IMMP2L: variants seen among roughly 807,000 people sequenced by gnomAD.
The protein encoded by IMMP2L is inner mitochondrial membrane peptidase subunit 2, also known as mitochondrial inner membrane protease subunit 2.
Under a neutral mutation model 19.3 loss-of-function variants are expected in IMMP2L, and 18 were observed. That is an observed-to-expected ratio of 0.93 (90% CI 0.64 to 1.38). The LOEUF (loss-of-function observed/expected upper bound fraction) is 1.38, where lower values mean the gene tolerates loss of function less well. Ranked by LOEUF, IMMP2L falls within the 40% of genes most tolerant of loss-of-function variation. The pLI is 0.00. For missense variants in IMMP2L, 233 were observed against 218.2 expected (o/e 1.07, Z -0.43); for synonymous variants, 76 against 73.0 (o/e 1.04, Z -0.21).
chr7:111,081,069 A>G (rs1166978887), intron 3 of IMMP2L, among the ~76,000 whole-genome samples: 1 of 152,222 alleles, frequency 6.6e-6, no homozygotes, highest in Admixed American at 6.5e-5. Flanking sequence ...GTATTTGTGT[A>G]CTTTCACATG....
At chr7:111,301,080 C>T (rs1015791610) in intron 3 of IMMP2L, among the ~76,000 whole-genome samples, 3 of 152,042 alleles carry the variant, frequency 2.0e-5, no homozygotes, top group African/African-American at 7.2e-5. Context: ...ATGAGTGATC[C>T]AGTTTCCTCA....
At chr7:110,995,817 T>C (rs1422503335) in intron 3 of IMMP2L, among the ~76,000 whole-genome samples, 1 of 152,162 alleles carries the variant, frequency 6.6e-6, no homozygotes, top group Non-Finnish European at 1.5e-5. Flanking sequence ...AAGTTGCATG[T>C]GTATAGTTTC....
intron 2 of IMMP2L, among the ~76,000 whole-genome samples, chr7:111,515,131 C>A (rs1348529713): frequency 6.6e-6 from 1 of 152,100 alleles, no homozygotes; most frequent in Admixed American, 6.6e-5. Flanking sequence ...TAATGTTCAT[C>A]AAACTTTATC....
At chr7:111,064,083 G>A (rs1454013673) in intron 3 of IMMP2L, among the ~76,000 whole-genome samples, 1 of 152,120 alleles carries the variant, frequency 6.6e-6, no homozygotes, top group Non-Finnish European at 1.5e-5. Flanking sequence ...CTGAGGCTGG[G>A]AAATTTATAA....
intron 3 of IMMP2L, among the ~76,000 whole-genome samples, chr7:111,458,474 C>A (rs1839867798): frequency 6.6e-6 from 1 of 152,060 alleles, no homozygotes; most frequent in South Asian, 2.1e-4. Context: ...CATTGTACCA[C>A]CCTAAGTTAC....
intron 3 of IMMP2L, among the ~76,000 whole-genome samples, chr7:111,270,913 T>C (rs1818392808): frequency 6.6e-6 from 1 of 152,150 alleles, no homozygotes; most frequent in African/African-American, 2.4e-5. Flanking sequence ...AATCTTAGTG[T>C]AAAGTACAGT....
At chr7:111,384,117 C>T (rs1831475477) in intron 3 of IMMP2L, among the ~76,000 whole-genome samples, 1 of 151,578 alleles carries the variant, frequency 6.6e-6, no homozygotes, top group South Asian at 2.1e-4. Context: ...GCACTCCAGC[C>T]CGCGTGGCAG....
chr7:110,699,203 G>C (rs1794087435), intron 5 of IMMP2L, among the ~76,000 whole-genome samples: 1 of 152,070 alleles, frequency 6.6e-6, no homozygotes, highest in African/African-American at 2.4e-5. Context: ...TTCAGAGTTG[G>C]CCCCAGTTTA....
Position 111,253,741 on chromosome 7 carries a change from T to C in IMMP2L, c.239+233497A>G, listed in dbSNP as rs528758974. Among the ~76,000 whole-genome samples, 7 of 152,262 alleles carry C rather than the reference T, an allele frequency of 4.6e-5. No individual in the cohort carries two copies. The East Asian group carries it at 1.2e-3, about 25-fold the overall frequency. On this transcript the variant is annotated intron_variant, in intron 3 of 5. Transcript: ENST00000405709. The stretch of plus-strand genomic sequence containing the variant: ...AATATGTGTTAAGGCTCTCAAAGAC[T>C]GCCACATAGAACTTGATCTAAAGTC...
intron 5 of IMMP2L, among the ~76,000 whole-genome samples, chr7:110,880,063 C>T (rs566765657): frequency 1.1e-4 from 16 of 152,016 alleles, no homozygotes; most frequent in Non-Finnish European, 2.2e-4. Context: ...CTGTGATGAC[C>T]TATCAATAGA....
chr7:111,280,296 C>T (rs1222233709), intron 3 of IMMP2L, among the ~76,000 whole-genome samples: 3 of 152,068 alleles, frequency 2.0e-5, no homozygotes, highest in African/African-American at 7.2e-5. Flanking sequence ...TTTCCCAGTT[C>T]CTGCATGGCT....
chr7:111,136,331 A>T (rs1181643636), intron 3 of IMMP2L, among the ~76,000 whole-genome samples: 1 of 151,998 alleles, frequency 6.6e-6, no homozygotes, highest in Non-Finnish European at 1.5e-5. Flanking sequence ...CAGCCACCCT[A>T]TTACATTTTT....
intron 1 of IMMP2L, among the ~76,000 whole-genome samples, chr7:111,551,618 C>T (rs1233281056): frequency 2.0e-5 from 3 of 151,612 alleles, no homozygotes; most frequent in Non-Finnish European, 4.4e-5. Context: ...TTATGAGAGG[C>T]TAAGGGCTCC....
At chr7:110,826,728 C>A (rs1189689569) in intron 5 of IMMP2L, among the ~76,000 whole-genome samples, 1 of 151,936 alleles carries the variant, frequency 6.6e-6, no homozygotes, top group African/African-American at 2.4e-5. Flanking sequence ...AGGAGATATA[C>A]CTAATGTAAA....
intron 3 of IMMP2L, among the ~76,000 whole-genome samples, chr7:111,064,372 G>C (rs1179481572): frequency 6.6e-6 from 1 of 152,186 alleles, no homozygotes; most frequent in African/African-American, 2.4e-5. Context: ...TGGATTGATA[G>C]AATGGTGGAA....
intron 1 of IMMP2L, among the ~76,000 whole-genome samples, chr7:111,553,581 G>A (rs1790927471): frequency 6.6e-6 from 1 of 151,138 alleles, no homozygotes; most frequent in South Asian, 2.1e-4. Context: ...TACTGACACT[G>A]AGACTACACA....
At chr7:111,253,623 G>A (rs1426983455) in intron 3 of IMMP2L, among the ~76,000 whole-genome samples, 1 of 152,178 alleles carries the variant, frequency 6.6e-6, no homozygotes, top group Non-Finnish European at 1.5e-5. Context: ...TCCTCTAAGT[G>A]TTTTAATCAG....
chr7:111,392,953 A>C (rs1253100695), intron 3 of IMMP2L: 1 of 413,882 alleles, frequency 2.4e-6, no homozygotes, highest in Admixed American at 2.9e-5. Context: ...CGCCAATTAT[A>C]AAAGTCTCAG....
intron 3 of IMMP2L, among the ~76,000 whole-genome samples, chr7:111,004,510 A>G (rs1824082751): frequency 6.6e-6 from 1 of 152,144 alleles, no homozygotes; most frequent in African/African-American, 2.4e-5. Context: ...ATCACTGAGT[A>G]ATAACTGGAT....
Sources: gnomAD v4.1 joint callset for allele counts (sites outside exome capture counted in the v4.1 genomes callset) on GRCh38, gnomAD v4.1.1 for gene constraint, MANE v1.5 for transcripts, NCBI Gene and HGNC (gene_info 2026-07-23, HGNC 2026-07-21) for gene names.